The following GULP1 variants were observed in gnomAD, a reference collection of about 807,000 sequenced individuals.
GULP1 encodes the protein GULP PTB domain containing engulfment adaptor 1.
In GULP1, 19 loss-of-function variants were observed where a neutral mutation model predicts 40.9. The observed-to-expected ratio is 0.46, with a 90% CI of 0.32 to 0.68. The LOEUF is 0.68. Ranked by LOEUF, GULP1 falls within the 30% of genes least tolerant of loss-of-function variation. The pLI is 0.03. For synonymous variants in GULP1, 119 were observed against 117.6 expected, an observed-to-expected ratio of 1.01 and a Z score of -0.08; for missense variants, 312 against 362.2, an observed-to-expected ratio of 0.86 and a Z score of 1.12.
intron 1 of GULP1, among the ~76,000 whole-genome samples, chr2:188,365,147 C>A (rs1261654752): frequency 6.6e-6 from 1 of 152,130 alleles, no homozygotes; most frequent in Non-Finnish European, 1.5e-5. Context: ...AAGTGGTGTT[C>A]ATCATATGCA....
rs1354663063 is a variant in GULP1 at position 188,322,918 on chromosome 2, G to A, written c.-172+30752G>A. The stretch of plus-strand genomic sequence containing the variant: ...TTTATTCTGGCCAAAAGCCTTCAAA[G>A]TTCTGCCTTTTGTCAAGACCTCTTT... On this transcript the variant is annotated intron_variant, in intron 1 of 11. Transcript: ENST00000409830. 1.2e-4 allele frequency among the ~76,000 whole-genome samples: 19 copies of A among 152,186 alleles called. No individual in the cohort carries two copies. The East Asian group carries it at 3.5e-3, about 28-fold the overall frequency.
rs1476947533 is a variant in GULP1 at position 188,348,118 on chromosome 2, A to T, written c.-171-35645A>T. The stretch of plus-strand genomic sequence containing the variant: ...TTTTGAGAAACTCATGAATTTATAA[A>T]GCAATTGAAAAACGTGTTATTCAAA... On this transcript the variant is annotated intron_variant, in intron 1 of 11. Transcript: ENST00000409830. Among the ~76,000 whole-genome samples, 4 of 152,362 alleles carry T rather than the reference A, an allele frequency of 2.6e-5. No homozygotes were observed. In the South Asian group the frequency reaches 8.3e-4, roughly 32 times the overall value.
chr2:188,552,134 T>C (rs1384405504), intron 7 of GULP1, among the ~76,000 whole-genome samples: 6 of 151,824 alleles, frequency 4.0e-5, no homozygotes, highest in African/African-American at 1.4e-4. Flanking sequence ...CTTCATTCTG[T>C]TGATTATTTA....
chr2:188,583,901 T>C (rs1034092258), intron 9 of GULP1, among the ~76,000 whole-genome samples: 2 of 152,214 alleles, frequency 1.3e-5, no homozygotes, highest in Non-Finnish European at 2.9e-5. Flanking sequence ...TGAAATCATA[T>C]TTTTACATGA....
At chr2:188,320,307 A>G (rs1029806392) in intron 1 of GULP1, among the ~76,000 whole-genome samples, 3 of 152,174 alleles carry the variant, frequency 2.0e-5, no homozygotes, top group Admixed American at 1.3e-4. Context: ...TTGAAGTATA[A>G]TTAAAATTAT....
intron 1 of GULP1, among the ~76,000 whole-genome samples, chr2:188,311,765 TATAA>T (rs1415298730): frequency 6.8e-6 from 1 of 147,998 alleles, no homozygotes; most frequent in Non-Finnish European, 1.5e-5. Flanking sequence ...TATAATAAAA[TATAA>T]ATATTTAAAT....
chr2:188,505,384 C>T (rs2153175841), intron 4 of GULP1, among the ~76,000 whole-genome samples: 1 of 151,894 alleles, frequency 6.6e-6, no homozygotes, highest in East Asian at 1.9e-4. Flanking sequence ...TTGAAATCAT[C>T]TACAATCCCG....
chr2:188,494,902 C>T (rs1045030303), intron 4 of GULP1, among the ~76,000 whole-genome samples: 1 of 151,956 alleles, frequency 6.6e-6, no homozygotes, highest in Admixed American at 6.6e-5. Flanking sequence ...TACTTCCTTG[C>T]TAAATGTCAA....
chr2:188,565,510 A>C (rs1697443860), intron 7 of GULP1, among the ~76,000 whole-genome samples: 1 of 152,020 alleles, frequency 6.6e-6, no homozygotes, highest in South Asian at 2.1e-4. Flanking sequence ...CATCCAATAT[A>C]TTGTCTCAAA....
At chr2:188,586,942 A>G (rs999196855) in intron 10 of GULP1, among the ~76,000 whole-genome samples, 3 of 151,886 alleles carry the variant, frequency 2.0e-5, no homozygotes, top group Non-Finnish European at 4.4e-5. Context: ...TGTGCAGGTT[A>G]GTTACCTATG....
intron 1 of GULP1, among the ~76,000 whole-genome samples, chr2:188,354,120 A>C (rs2044912497): frequency 6.6e-6 from 1 of 152,026 alleles, no homozygotes; most frequent in African/African-American, 2.4e-5. Flanking sequence ...CCCAGGGCCC[A>C]AGCAATAGCT....
intron 1 of GULP1, among the ~76,000 whole-genome samples, chr2:188,346,800 G>A (rs1209633955): frequency 2.0e-5 from 3 of 151,558 alleles, no homozygotes; most frequent in African/African-American, 7.3e-5. Flanking sequence ...GTGAAACCCC[G>A]TCTCAACTAA....
At chr2:188,455,316 A>T (rs1185840452) in intron 2 of GULP1, among the ~76,000 whole-genome samples, 2 of 152,162 alleles carry the variant, frequency 1.3e-5, no homozygotes, top group African/African-American at 4.8e-5. Flanking sequence ...ATTCATGTTG[A>T]GTACATGATG....
intron 1 of GULP1, among the ~76,000 whole-genome samples, chr2:188,380,719 A>G (rs965286686): frequency 1.3e-5 from 2 of 152,186 alleles, no homozygotes; most frequent in African/African-American, 4.8e-5. Context: ...GAGAATAATG[A>G]TTTTGAAAAT....
At chr2:188,316,214 A>G (rs2039058478) in intron 1 of GULP1, among the ~76,000 whole-genome samples, 1 of 152,158 alleles carries the variant, frequency 6.6e-6, no homozygotes, top group African/African-American at 2.4e-5. Context: ...GTTTTTGTAA[A>G]GGCAGATAAA....
At chr2:188,480,621 TAA>T (rs1158870050) in intron 3 of GULP1, among the ~76,000 whole-genome samples, 1 of 151,978 alleles carries the variant, frequency 6.6e-6, no homozygotes, top group Non-Finnish European at 1.5e-5. Context: ...AAAAGATCTT[TAA>T]AAATTAGTCT....
chr2:188,432,314 T>G (rs2056959351), intron 2 of GULP1, among the ~76,000 whole-genome samples: 1 of 151,770 alleles, frequency 6.6e-6, no homozygotes, highest in Non-Finnish European at 1.5e-5. Context: ...TTAATTTATT[T>G]TTAATAGTTT....
intron 7 of GULP1, among the ~76,000 whole-genome samples, chr2:188,551,731 T>G (rs116029183): frequency 3.2e-4 from 48 of 150,302 alleles, no homozygotes; most frequent in South Asian, 2.3e-3. Flanking sequence ...TATTTGCAGG[T>G]TTTTTTTTGA....
chr2:188,382,618 C>G (rs1378040344), intron 1 of GULP1, among the ~76,000 whole-genome samples: 2 of 152,170 alleles, frequency 1.3e-5, no homozygotes, highest in African/African-American at 4.8e-5. Context: ...CGCGGTAGCT[C>G]ACACCTGTAA....
Sources: gnomAD v4.1 joint callset for allele counts (sites outside exome capture counted in the v4.1 genomes callset) on GRCh38, gnomAD v4.1.1 for gene constraint, MANE v1.5 for transcripts, NCBI Gene and HGNC (gene_info 2026-07-23, HGNC 2026-07-21) for gene names.